The following GPAT3 variants were observed in gnomAD, a reference collection of about 807,000 sequenced individuals.
GPAT3 encodes the protein 1-AGP acyltransferase 9.
A neutral mutation model predicts 58.8 loss-of-function variants in GPAT3; 53 were observed. The ratio of observed to expected loss-of-function variants is 0.90; its 90% CI spans 0.72 to 1.13. The LOEUF is 1.13. GPAT3 is among the 50% of genes most tolerant of loss of function. GPAT3 has a pLI of 0.00. For synonymous variants in GPAT3, 197 were observed against 187.4 expected (o/e 1.05, Z -0.42); for missense variants, 511 against 527.6 (o/e 0.97, Z 0.31).
chr4:83,597,947 C>G, intron 9 of GPAT3, 104 bp from the exon 10 acceptor site: 1 of 1,334,206 alleles, frequency 7.5e-7, no homozygotes, highest in Non-Finnish European at 1.0e-6. Flanking sequence ...CTTTTTTTTT[C>G]TTAGAGTCTG....
chr4:83,582,415 A>T (rs944390262), intron 3 of GPAT3, among the ~76,000 whole-genome samples: 5 of 152,174 alleles, frequency 3.3e-5, no homozygotes, highest in African/African-American at 9.7e-5. Flanking sequence ...CCTGGTGAGG[A>T]GGCAGTGTCA....
At chr4:83,558,156 G>A (rs907585968) in intron 2 of GPAT3, among the ~76,000 whole-genome samples, 2 of 152,016 alleles carry the variant, frequency 1.3e-5, no homozygotes, top group Non-Finnish European at 2.9e-5. Flanking sequence ...GGAGGTTGCA[G>A]TGAGCCAAGA....
At chr4:83,557,877 A>C (rs185831001) in intron 2 of GPAT3, among the ~76,000 whole-genome samples, 43 of 152,300 alleles carry the variant, frequency 2.8e-4, no homozygotes, top group African/African-American at 1.0e-3. Flanking sequence ...AGTTGATTGG[A>C]GACTCAGAGT....
chr4:83,536,994 G>T (rs1724123408), intron 1 of GPAT3, among the ~76,000 whole-genome samples: 1 of 152,192 alleles, frequency 6.6e-6, no homozygotes, highest in East Asian at 1.9e-4. Flanking sequence ...TGTTTCTCTG[G>T]TCGAAGGCGA....
chr4:83,551,478 G>GAA (rs1264559471), intron 2 of GPAT3, among the ~76,000 whole-genome samples: 1 of 136,058 alleles, frequency 7.3e-6, no homozygotes, highest in East Asian at 2.1e-4. Flanking sequence ...GGCTTTAACT[G>GAA]TATTTATAAT....
At chr4:83,574,345 C>G (rs1725707114) in intron 2 of GPAT3, among the ~76,000 whole-genome samples, 1 of 152,222 alleles carries the variant, frequency 6.6e-6, no homozygotes, top group South Asian at 2.1e-4. Context: ...AGAGTTCACT[C>G]AGCTAATTTA....
At chr4:83,546,040 G>A (rs1026924080) in intron 2 of GPAT3, among the ~76,000 whole-genome samples, 3 of 151,974 alleles carry the variant, frequency 2.0e-5, no homozygotes, top group East Asian at 1.9e-4. Flanking sequence ...GCTGGAGTGC[G>A]GTGGCGAGAT....
At chr4:83,598,444 G>T in intron 10 of GPAT3, 200 bp from the exon 11 acceptor site, 2 of 700,040 alleles carry the variant, frequency 2.9e-6, no homozygotes, top group Non-Finnish European at 4.8e-6. Flanking sequence ...ATAAATATAT[G>T]CACATGGTAA....
At chr4:83,559,916 T>C (rs990356229) in intron 2 of GPAT3, among the ~76,000 whole-genome samples, 8 of 152,120 alleles carry the variant, frequency 5.3e-5, no homozygotes, top group East Asian at 1.9e-4. Flanking sequence ...AGACAGCCAA[T>C]TGGACTTGTG....
At chr4:83,585,797 G>A (rs1469670247) in intron 3 of GPAT3, among the ~76,000 whole-genome samples, 2 of 152,146 alleles carry the variant, frequency 1.3e-5, no homozygotes, top group African/African-American at 4.8e-5. Context: ...ATGTTGGCCA[G>A]GCTGGTCTCG....
chr4:83,598,061 A>G lies in GPAT3; in HGVS notation c.1007A>G (p.Gln336Arg), dbSNP rs1726913198. The change falls in exon 10 of 12, where the codon CAG (glutamine) becomes CGG (arginine). Residue 336 changes from glutamine (Q) to arginine (R), a missense_variant. Transcript: ENST00000264409. Reference protein sequence around the residue: ...IHPVAIKYNPQFGDAFWNSSK... With the variant: ...IHPVAIKYNPRFGDAFWNSSK... ...TTTCTTTTTTCTCAGTATAACCCTCAGTTCGGTGATGCATTTTGGAACAGT... is the reference window on the plus strand; with the variant it reads ...TTTCTTTTTTCTCAGTATAACCCTCGGTTCGGTGATGCATTTTGGAACAGT... The G allele has an allele frequency of 6.2e-7, 1 of 1,613,458 alleles. No homozygotes were observed. Among genetic ancestry groups the G allele is most frequent in the African/African-American group, 1.3e-5 (1 of 74,814 alleles).
chr4:83,571,551 CT>C (rs1725603853), intron 2 of GPAT3, among the ~76,000 whole-genome samples: 1 of 151,106 alleles, frequency 6.6e-6, no homozygotes, highest in Non-Finnish European at 1.5e-5. Flanking sequence ...AGTATATATA[CT>C]TTGTTGAAAA....
upstream of GPAT3, chr4:83,535,619 A>T: frequency 3.9e-6 from 3 of 772,218 alleles, no homozygotes; most frequent in Non-Finnish European, 3.1e-6. Flanking sequence ...AGTGACAGAT[A>T]CTTAGCCGCA....
In GPAT3 at chr4:83,604,851, GT is replaced by G; in HGVS notation, c.*89del. On this transcript the variant is annotated 3_prime_UTR_variant, in exon 12 of 12. Coordinates refer to ENST00000264409, the MANE Select transcript of GPAT3 (RefSeq NM_032717.5). Reference sequence around the variant, plus strand: ...TTGTTTTGTTTTGTTTTATTGTTTTGTTTTTATTATTGTTAATCTTTTCTAC... The same window carrying G: ...TTGTTTTGTTTTGTTTTATTGTTTTGTTTTATTATTGTTAATCTTTTCTAC... 8.9e-7 allele frequency: 1 copy of G among 1,122,236 alleles called. No homozygotes were observed. The allele number at this position is 1,122,236 out of a possible 1,614,324, so 69.5% of individuals were successfully genotyped here.
chr4:83,538,709 G>C (rs956400462), intron 1 of GPAT3, among the ~76,000 whole-genome samples: 2 of 152,162 alleles, frequency 1.3e-5, no homozygotes, highest in African/African-American at 4.8e-5. Context: ...CTCCAGTCCA[G>C]GATCTGACTT....
intron 2 of GPAT3, among the ~76,000 whole-genome samples, chr4:83,569,924 TTAGA>T (rs1725540682): frequency 6.6e-6 from 1 of 152,192 alleles, no homozygotes; most frequent in South Asian, 2.1e-4. Flanking sequence ...TAGATTAATG[TTAGA>T]TAGGGGCCAT....
chr4:83,593,517 A>G (rs1315356871), intron 6 of GPAT3, among the ~76,000 whole-genome samples: 1 of 151,738 alleles, frequency 6.6e-6, no homozygotes, highest in African/African-American at 2.4e-5. Flanking sequence ...AATACATCCA[A>G]CTCTTAAGGT....
intron 5 of GPAT3, among the ~76,000 whole-genome samples, chr4:83,589,749 C>T (rs1726520445): frequency 6.6e-6 from 1 of 152,074 alleles, no homozygotes. Context: ...ACCTAGAGAT[C>T]ACCTTTTAAA....
At chr4:83,565,956 A>G (rs1432539923) in intron 2 of GPAT3, among the ~76,000 whole-genome samples, 1 of 152,180 alleles carries the variant, frequency 6.6e-6, no homozygotes, top group African/African-American at 2.4e-5. Flanking sequence ...ACTACCTAAG[A>G]TCTTTAACTG....
Sources: gnomAD v4.1 joint callset for allele counts (sites outside exome capture counted in the v4.1 genomes callset) on GRCh38, gnomAD v4.1.1 for gene constraint, MANE v1.5 for transcripts, NCBI Gene and HGNC (gene_info 2026-07-23, HGNC 2026-07-21) for gene names.